The following HPSE2 variants were observed in gnomAD, a reference collection of about 807,000 sequenced individuals.
HPSE2 encodes heparanase 2 (inactive).
HPSE2 carries 38 observed loss-of-function variants against 60.5 expected under a neutral mutation model. The ratio of observed to expected loss-of-function variants is 0.63; its 90% CI spans 0.48 to 0.82. HPSE2 has a LOEUF of 0.82. Ranked by LOEUF, HPSE2 falls within the 40% of genes least tolerant of loss-of-function variation. HPSE2 has a pLI of 0.00. For missense variants in HPSE2, 713 were observed against 740.4 expected (o/e 0.96, Z 0.43); for synonymous variants, 295 against 293.2 (o/e 1.01, Z -0.06).
chr10:99,103,034 TG>T (rs1424218182), intron 3 of HPSE2, among the ~76,000 whole-genome samples: 1 of 152,176 alleles, frequency 6.6e-6, no homozygotes, highest in Non-Finnish European at 1.5e-5. Context: ...TCATACTGAA[TG>T]GGCAAAAACT....
intron 3 of HPSE2, among the ~76,000 whole-genome samples, chr10:99,040,960 G>A (rs1957724926): frequency 6.6e-6 from 1 of 151,934 alleles, no homozygotes. Context: ...GGTGGCGGGT[G>A]CCTATAGTCC....
intron 9 of HPSE2, among the ~76,000 whole-genome samples, chr10:98,546,748 G>T (rs1943691985): frequency 1.3e-5 from 2 of 150,602 alleles, no homozygotes; most frequent in Admixed American, 6.6e-5. Flanking sequence ...GCATGGGCAA[G>T]GACTTCATGT....
Position 98,788,766 on chromosome 10 carries a change from G to A in HPSE2, c.611-44710C>T, listed in dbSNP as rs370425592. Among the ~76,000 whole-genome samples the A allele has an allele frequency of 2.8e-3, 420 of 151,440 alleles. 7 individuals carry two copies. Among genetic ancestry groups the A allele is most frequent in the African/African-American group, 9.3e-3 (382 of 41,282 alleles). Reference sequence around the variant, plus strand: ...GAAAGGGAACTCCCTGACCCCTTGCGCTTCCCAGGTGAGGCAATGCCTCGC... The same window carrying A: ...GAAAGGGAACTCCCTGACCCCTTGCACTTCCCAGGTGAGGCAATGCCTCGC... On this transcript the variant is annotated intron_variant, in intron 3 of 11. Coordinates refer to ENST00000370552, the MANE Select transcript of HPSE2 (RefSeq NM_021828.5).
intron 3 of HPSE2, among the ~76,000 whole-genome samples, chr10:99,137,595 C>T (rs952105954): frequency 6.6e-6 from 1 of 152,196 alleles, no homozygotes; most frequent in South Asian, 2.1e-4. Flanking sequence ...CACCACACAT[C>T]TACAACCATC....
intron 6 of HPSE2, among the ~76,000 whole-genome samples, chr10:98,660,847 C>T (rs992992541): frequency 6.6e-6 from 1 of 151,902 alleles, no homozygotes; most frequent in Non-Finnish European, 1.5e-5. Context: ...TATATGGAAC[C>T]CACTATATTT....
chr10:98,644,888 CTT>C (rs1257351305), intron 6 of HPSE2, among the ~76,000 whole-genome samples: 1 of 152,180 alleles, frequency 6.6e-6, no homozygotes, highest in Non-Finnish European at 1.5e-5. Context: ...CTCAGGTAAT[CTT>C]GGGCTATTTC....
At chr10:98,968,677 G>A (rs1955874975) in intron 3 of HPSE2, among the ~76,000 whole-genome samples, 1 of 152,184 alleles carries the variant, frequency 6.6e-6, no homozygotes, top group African/African-American at 2.4e-5. Context: ...AAAACAGAAT[G>A]AAATAATGGC....
chr10:98,708,156 T>C (rs948788364), intron 5 of HPSE2, among the ~76,000 whole-genome samples: 2 of 152,114 alleles, frequency 1.3e-5, no homozygotes, highest in African/African-American at 4.8e-5. Context: ...TTTAGTTTCA[T>C]TATATTTAAA....
At chr10:99,228,383 T>C (rs759825182) in intron 2 of HPSE2, among the ~76,000 whole-genome samples, 1 of 152,204 alleles carries the variant, frequency 6.6e-6, no homozygotes, top group Non-Finnish European at 1.5e-5. Context: ...TTAGAAATAT[T>C]AAGCTGGCTT....
intron 5 of HPSE2, among the ~76,000 whole-genome samples, chr10:98,721,053 G>A (rs996394606): frequency 6.6e-6 from 1 of 151,950 alleles, no homozygotes; most frequent in Non-Finnish European, 1.5e-5. Flanking sequence ...CACATTAAGA[G>A]AGATAAATCT....
intron 3 of HPSE2, chr10:99,013,394 T>C (rs573027391): frequency 2.7e-5 from 15 of 552,758 alleles, no homozygotes; most frequent in South Asian, 8.6e-5. Context: ...TGTGTTAGTA[T>C]AGTAAGTGTT....
chr10:99,152,575 A>G (rs1846316157), intron 2 of HPSE2, among the ~76,000 whole-genome samples: 1 of 152,244 alleles, frequency 6.6e-6, no homozygotes, highest in Non-Finnish European at 1.5e-5. Context: ...ATAGTAATAC[A>G]CAGAACAAAA....
chr10:99,160,898 C>CAAAAAA (rs60506210), intron 2 of HPSE2, among the ~76,000 whole-genome samples: 9 of 55,426 alleles, frequency 1.6e-4, no homozygotes, highest in Non-Finnish European at 2.4e-4. Context: ...GACTCCGTCT[C>CAAAAAA]AAAAAAAAAA....
intron 3 of HPSE2, among the ~76,000 whole-genome samples, chr10:98,974,715 A>G (rs1956044976): frequency 6.6e-6 from 1 of 152,214 alleles, no homozygotes; most frequent in Non-Finnish European, 1.5e-5. Context: ...GCACCAATAT[A>G]TTCATCATAA....
At chr10:99,125,154 A>G (rs926392347) in intron 3 of HPSE2, among the ~76,000 whole-genome samples, 1 of 152,178 alleles carries the variant, frequency 6.6e-6, no homozygotes, top group Non-Finnish European at 1.5e-5. Flanking sequence ...CACACACACA[A>G]AAACTTCCTC....
chr10:98,558,630 G>A lies in HPSE2; in HGVS notation c.1320+56274C>T, dbSNP rs150840116. Among the ~76,000 whole-genome samples, 55 of 152,304 alleles carry A rather than the reference G, an allele frequency of 3.6e-4. 1 individual carries two copies. In the East Asian group the frequency reaches 0.011, roughly 29 times the overall value. On this transcript the variant is annotated intron_variant, in intron 9 of 11. Transcript: ENST00000370552. The stretch of plus-strand genomic sequence containing the variant: ...ATGACTAGAAGGGAGAACATGGGGA[G>A]GGGAATTCTGGGTTGCTAGTAATAT...
chr10:98,658,269 G>A (rs1218178060), intron 6 of HPSE2, among the ~76,000 whole-genome samples: 1 of 152,148 alleles, frequency 6.6e-6, no homozygotes, highest in Non-Finnish European at 1.5e-5. Flanking sequence ...ACTCTGCTAT[G>A]GCTATATCAA....
At chr10:98,713,288 C>A (rs1948717264) in intron 5 of HPSE2, among the ~76,000 whole-genome samples, 1 of 152,020 alleles carries the variant, frequency 6.6e-6, no homozygotes, top group Non-Finnish European at 1.5e-5. Flanking sequence ...ATTAAAGCAT[C>A]TTTAGCAAGT....
intron 3 of HPSE2, among the ~76,000 whole-genome samples, chr10:98,925,921 T>G (rs1172336688): frequency 1.3e-5 from 2 of 152,134 alleles, no homozygotes; most frequent in African/African-American, 2.4e-5. Flanking sequence ...GAACTCACCA[T>G]CATGTTGTTC....
Sources: allele counts gnomAD v4.1 joint callset (sites outside exome capture counted in the v4.1 genomes callset), GRCh38; gene constraint gnomAD v4.1.1; transcripts MANE v1.5; gene names NCBI Gene and HGNC (gene_info 2026-07-23, HGNC 2026-07-21).